FRMD3: variants seen among roughly 807,000 people sequenced by gnomAD.
FRMD3 encodes FERM domain containing 3, also known as FERM domain-containing protein 3.
Under a neutral mutation model 70.2 loss-of-function variants are expected in FRMD3, and 33 were observed. The ratio of observed to expected loss-of-function variants is 0.47; its 90% CI spans 0.36 to 0.63. The LOEUF is 0.63. FRMD3 is among the 20% of genes least tolerant of loss of function. FRMD3 has a pLI of 0.00. For missense variants in FRMD3, 632 were observed against 711.4 expected (o/e 0.89, Z 1.27); for synonymous variants, 279 against 255.9 (o/e 1.09, Z -0.86).
intron 2 of FRMD3, among the ~76,000 whole-genome samples, chr9:83,378,966 G>C (rs1453008360): frequency 6.7e-6 from 1 of 149,846 alleles, no homozygotes; most frequent in African/African-American, 2.5e-5. Context: ...GACCTCAAGT[G>C]ATCCACCTGC....
At chr9:83,426,070 C>G (rs903213868) in intron 1 of FRMD3, among the ~76,000 whole-genome samples, 1 of 152,054 alleles carries the variant, frequency 6.6e-6, no homozygotes, top group African/African-American at 2.4e-5. Context: ...GAATCTGGGG[C>G]TAATTTTAAA....
downstream of FRMD3, among the ~76,000 whole-genome samples, chr9:83,243,608 C>T (rs1376811683): frequency 6.6e-6 from 1 of 152,122 alleles, no homozygotes; most frequent in Non-Finnish European, 1.5e-5. Flanking sequence ...GCTTGAGATG[C>T]TGGAGTCAGA....
At chr9:83,259,581 G>A (rs1832891831) in intron 13 of FRMD3, among the ~76,000 whole-genome samples, 1 of 152,138 alleles carries the variant, frequency 6.6e-6, no homozygotes, top group South Asian at 2.1e-4. Flanking sequence ...TTATATTACA[G>A]TTAGAGCATT....
At chr9:83,377,333 C>T (rs994791860) in intron 2 of FRMD3, among the ~76,000 whole-genome samples, 3 of 152,098 alleles carry the variant, frequency 2.0e-5, no homozygotes, top group African/African-American at 4.8e-5. Context: ...GAGAGGGAAA[C>T]ACACATTTAG....
chr9:83,302,595 C>T (rs1163418529), intron 10 of FRMD3, among the ~76,000 whole-genome samples: 1 of 152,152 alleles, frequency 6.6e-6, no homozygotes, highest in South Asian at 2.1e-4. Flanking sequence ...GTTTCCCTTC[C>T]TCCCTTCCCA....
intron 1 of FRMD3, among the ~76,000 whole-genome samples, chr9:83,493,922 C>T (rs1370477840): frequency 1.3e-5 from 2 of 152,198 alleles, no homozygotes; most frequent in East Asian, 1.9e-4. Flanking sequence ...GCTGTGATGG[C>T]GCCTCCCACC....
chr9:83,530,578 AC>A (rs1829773758), intron 1 of FRMD3, among the ~76,000 whole-genome samples: 3 of 152,232 alleles, frequency 2.0e-5, no homozygotes, highest in African/African-American at 7.2e-5. Flanking sequence ...TGATGACTGC[AC>A]TACTCTCTGA....
chr9:83,488,233 G>A (rs181214091), intron 1 of FRMD3, among the ~76,000 whole-genome samples: 28 of 152,312 alleles, frequency 1.8e-4, no homozygotes, highest in Non-Finnish European at 3.1e-4. Flanking sequence ...CACAACATCT[G>A]AGTGATATGC....
At chr9:83,477,001 C>T (rs761394908) in intron 1 of FRMD3, among the ~76,000 whole-genome samples, 4 of 152,186 alleles carry the variant, frequency 2.6e-5, no homozygotes, top group Admixed American at 6.5e-5. Context: ...AGCACAGTAT[C>T]TTGCAGGTAG....
chr9:83,248,490 T>A lies in FRMD3; in HGVS notation c.1222A>T (p.Ile408Phe). The change falls in exon 14 of 14, where the codon ATT becomes TTT. Residue 408 changes from isoleucine (I) to phenylalanine (F), a missense_variant. Ile to Phe is a conservative substitution (Grantham distance 21). Around this residue, in one of 3 missense-constraint regions of FRMD3, gnomAD observed 418 missense variants for 442.1 expected, o/e 0.95. Coordinates refer to ENST00000304195, the MANE Select transcript of FRMD3 (RefSeq NM_174938.6). ...EGVPLPKEEN[I>F]SAPLISSSPV... ...GAGCTGGAGATCAAGGGAGCAGAAA[T>A]GTTCTCCTCTTTAGGCAATGGAACA... The A allele has an allele frequency of 1.2e-6, 2 of 1,611,162 alleles. No individual in the cohort carries two copies. The highest frequency in any genetic ancestry group is 2.2e-5 in the East Asian group (1 of 44,874).
At chr9:83,297,994 G>T (rs1202500353) in intron 12 of FRMD3, among the ~76,000 whole-genome samples, 2 of 152,276 alleles carry the variant, frequency 1.3e-5, no homozygotes, top group East Asian at 1.9e-4. Flanking sequence ...CCCTGGAAAT[G>T]GAGGAAACTG....
At chr9:83,474,163 T>C (rs1041096309) in intron 1 of FRMD3, among the ~76,000 whole-genome samples, 1 of 152,196 alleles carries the variant, frequency 6.6e-6, no homozygotes, top group Non-Finnish European at 1.5e-5. Context: ...CCTTCAAATT[T>C]GCAACCCCTC....
chr9:83,349,535 A>G (rs4877253), intron 4 of FRMD3, 144 bp downstream of exon 4: 183,107 of 573,820 alleles, frequency 0.32, 31,033 homozygotes, highest in Non-Finnish European at 0.35. Context: ...GTGTAAGAGA[A>G]GCATTCCAAG....
chr9:83,292,158 ATACT>A (rs1834445443), intron 12 of FRMD3, among the ~76,000 whole-genome samples: 1 of 112,702 alleles, frequency 8.9e-6, no homozygotes. Flanking sequence ...ACATTAATAA[ATACT>A]TTTTTTTTTT....
chr9:83,265,491 C>T (rs972443114), intron 13 of FRMD3, among the ~76,000 whole-genome samples: 2 of 142,810 alleles, frequency 1.4e-5, no homozygotes, highest in Admixed American at 6.9e-5. Context: ...AAAACATTAA[C>T]ATTTGTAAAA....
chr9:83,448,473 C>A (rs1223976732), intron 1 of FRMD3, among the ~76,000 whole-genome samples: 1 of 152,150 alleles, frequency 6.6e-6, no homozygotes, highest in Non-Finnish European at 1.5e-5. Flanking sequence ...CCTCAGGTGG[C>A]ACCGGGCAAG....
chr9:83,515,425 A>T (rs1376016781), intron 1 of FRMD3, among the ~76,000 whole-genome samples: 1 of 152,256 alleles, frequency 6.6e-6, no homozygotes, highest in African/African-American at 2.4e-5. Flanking sequence ...TAGAGAAAAA[A>T]GAATGAAAAG....
intron 13 of FRMD3, among the ~76,000 whole-genome samples, chr9:83,258,891 C>A (rs1295419414): frequency 6.6e-6 from 1 of 152,180 alleles, no homozygotes; most frequent in African/African-American, 2.4e-5. Flanking sequence ...CATTAGGAAC[C>A]ACCATACTAG....
chr9:83,572,154 T>G, the FRMD3 span, among the ~76,000 whole-genome samples: 1 of 141,900 alleles, frequency 7.0e-6, no homozygotes, highest in Non-Finnish European at 1.5e-5. Flanking sequence ...TTGAGGTGTG[T>G]GTGTGTGTGT....
Sources: allele counts gnomAD v4.1 joint callset (sites outside exome capture counted in the v4.1 genomes callset), GRCh38; gene constraint gnomAD v4.1.1; regional missense constraint gnomAD v4.1.1; transcripts MANE v1.5; gene names NCBI Gene and HGNC (gene_info 2026-07-23, HGNC 2026-07-21).